CACNG3: variants seen among roughly 807,000 people sequenced by gnomAD.
CACNG3 encodes the protein voltage-dependent calcium channel gamma-3 subunit.
A neutral mutation model predicts 28.5 loss-of-function variants in CACNG3; 3 were observed. That is an observed-to-expected ratio of 0.11 (90% confidence interval 0.05 to 0.27). The LOEUF is 0.27. Ranked by LOEUF, CACNG3 falls within the 10% of genes least tolerant of loss-of-function variation. The pLI, the probability that CACNG3 is intolerant of heterozygous loss-of-function variation, is 1.00. For missense variants in CACNG3, 236 were observed against 414.4 expected (o/e 0.57, Z 3.74); for synonymous variants, 174 against 162.2 (o/e 1.07, Z -0.55).
Position 24,361,319 on chromosome 16 carries a change from A to G in CACNG3, c.437-33A>G. The G allele has an allele frequency of 6.6e-7, 1 of 1,508,942 alleles. No homozygotes were observed. 93.5% of individuals were successfully genotyped at this position (1,508,942 alleles called of 1,614,324 possible). A position where few individuals can be genotyped will look rare whatever the true frequency, so the allele number is the denominator to read the frequency against. On this transcript the variant is annotated intron_variant, in intron 3 of 3. Coordinates refer to ENST00000005284, the MANE Select transcript of CACNG3 (RefSeq NM_006539.4). This position sits in a 1 kb window ranked among gnomAD's most constrained non-coding sequence, Gnocchi z 6.8. ...AGTGACAGTTCTCTCCGAGGTGTAT[A>G]AAGGACGTGTTTTTCTTTTCCCCTT...
At chr16:24,344,221 CA>C (rs1412937172) in intron 1 of CACNG3, among the ~76,000 whole-genome samples, 4 of 151,954 alleles carry the variant, frequency 2.6e-5, no homozygotes, top group Admixed American at 1.3e-4. Flanking sequence ...CACCTGAGGT[CA>C]GGGGTTCAAG....
chr16:24,349,750 G>A (rs1022698103), intron 2 of CACNG3, among the ~76,000 whole-genome samples: 13 of 152,168 alleles, frequency 8.5e-5, no homozygotes, highest in African/African-American at 2.9e-4. Context: ...TTACAGCAGA[G>A]TCTTTGTGAC....
At chr16:24,351,275 A>G (rs1899934836) in intron 2 of CACNG3, among the ~76,000 whole-genome samples, 1 of 152,020 alleles carries the variant, frequency 6.6e-6, no homozygotes, top group African/African-American at 2.4e-5. Context: ...CTGTTAGAAA[A>G]TTGGGCCAGT....
At chr16:24,327,422 ATGTG>A (rs376287990) in intron 1 of CACNG3, among the ~76,000 whole-genome samples, 1 of 101,718 alleles carries the variant, frequency 9.8e-6, no homozygotes, top group Non-Finnish European at 1.8e-5. Flanking sequence ...GAATATATAT[ATGTG>A]TGTGTGTGTG....
chr16:24,359,253 G>C (rs189041546), intron 3 of CACNG3, among the ~76,000 whole-genome samples: 90 of 152,186 alleles, frequency 5.9e-4, no homozygotes, highest in African/African-American at 2.0e-3. Flanking sequence ...AAAAATTCAT[G>C]TGAAGTCTGC....
At position 24,361,946 on chromosome 16, in the gene CACNG3, C is replaced by G. The variant is rs1483778283; in HGVS notation, c.*83C>G. ...TGTCTCTGAGGTTGCATGGCATGGTCCTTGTGATGGTATTACTTTTTACAA... is the reference window on the plus strand; with the variant it reads ...TGTCTCTGAGGTTGCATGGCATGGTGCTTGTGATGGTATTACTTTTTACAA... On this transcript the variant is annotated 3_prime_UTR_variant, in exon 4 of 4. Coordinates refer to ENST00000005284, the MANE Select transcript of CACNG3 (RefSeq NM_006539.4). The surrounding 1 kb of genome is among the most constrained non-coding windows in gnomAD (Gnocchi z 6.8). 7.5e-7 allele frequency: 1 copy of G among 1,327,170 alleles called. No homozygotes were observed. The highest frequency in any genetic ancestry group is 2.3e-5 in the East Asian group (1 of 43,096). 82.2% of individuals were successfully genotyped at this position (1,327,170 alleles called of 1,614,324 possible).
At chr16:24,345,754 G>A (rs978624526) in intron 1 of CACNG3, among the ~76,000 whole-genome samples, 2 of 152,178 alleles carry the variant, frequency 1.3e-5, no homozygotes, top group Non-Finnish European at 2.9e-5. Flanking sequence ...TGCATGTTCA[G>A]CAAATCTGAG....
Position 24,281,867 on chromosome 16 carries a change from AT to A in CACNG3, c.211+24904del, listed in dbSNP as rs577650809. ...TTGAGGAAAACAAAACTATAGCAAG[AT>A]TAACTAACTTGCCCAGGACCGACAG... On this transcript the variant is annotated intron_variant, in intron 1 of 3. Transcript: ENST00000005284. Among the ~76,000 whole-genome samples, 102 of 152,350 alleles carry A rather than the reference AT, an allele frequency of 6.7e-4. 1 individual carries two copies. Among genetic ancestry groups the A allele is most frequent in the African/African-American group, 2.3e-3 (97 of 41,580 alleles).
rs141649476 is a variant in CACNG3, at chr16:24,334,167, A to G, written c.212-12567A>G. 5.3e-4 allele frequency among the ~76,000 whole-genome samples: 81 copies of G among 152,358 alleles called. 1 individual carries two copies. The East Asian group carries it at 0.015, about 29-fold the overall frequency. ...AAAATCTTCACAAAAGAGTTCTAGCAAAAGACCTACAACGCTGGACCCTAG... is the reference window on the plus strand; with the variant it reads ...AAAATCTTCACAAAAGAGTTCTAGCGAAAGACCTACAACGCTGGACCCTAG... On this transcript the variant is annotated intron_variant, in intron 1 of 3. Transcript: ENST00000005284.
At chr16:24,351,661 C>CGAAAGAAAGAAAGAAAGAAA (rs146309041) in intron 2 of CACNG3, among the ~76,000 whole-genome samples, 10 of 111,088 alleles carry the variant, frequency 9.0e-5, no homozygotes, top group Non-Finnish European at 1.7e-4. Flanking sequence ...GAAAGACAGA[C>CGAAAGAAAGAAAGAAAGAAA]GAAAGAAAGA....
intron 1 of CACNG3, among the ~76,000 whole-genome samples, chr16:24,297,007 G>A (rs760144642): frequency 1.3e-5 from 2 of 152,252 alleles, no homozygotes; most frequent in East Asian, 1.9e-4. Flanking sequence ...GCCTGCACCT[G>A]TAATCCCAGA....
At chr16:24,297,410 C>T (rs1378184022) in intron 1 of CACNG3, among the ~76,000 whole-genome samples, 1 of 152,122 alleles carries the variant, frequency 6.6e-6, no homozygotes, top group Non-Finnish European at 1.5e-5. Flanking sequence ...GGGGTGAGAA[C>T]TGGTGTGCTG....
At chr16:24,351,305 T>C (rs1899935231) in intron 2 of CACNG3, among the ~76,000 whole-genome samples, 1 of 152,030 alleles carries the variant, frequency 6.6e-6, no homozygotes, top group South Asian at 2.1e-4. Flanking sequence ...GCATGGTGGC[T>C]CATGCCTGTA....
intron 1 of CACNG3, among the ~76,000 whole-genome samples, chr16:24,287,630 C>T (rs992060656): frequency 6.6e-6 from 1 of 152,052 alleles, no homozygotes; most frequent in South Asian, 2.1e-4. Context: ...CTGAGACTCT[C>T]CAAGACTCAT....
intron 1 of CACNG3, among the ~76,000 whole-genome samples, chr16:24,299,057 C>T (rs1268737689): frequency 6.6e-6 from 1 of 152,112 alleles, no homozygotes; most frequent in Non-Finnish European, 1.5e-5. Context: ...TTTTTTCCCC[C>T]TTTCCCTATT....
chr16:24,266,568 A>G (rs1278420775), intron 1 of CACNG3, among the ~76,000 whole-genome samples: 1 of 152,244 alleles, frequency 6.6e-6, no homozygotes, highest in African/African-American at 2.4e-5. Context: ...CCTAAGTAGC[A>G]CTAACATTGA....
chr16:24,279,237 T>C (rs146064905), intron 1 of CACNG3, among the ~76,000 whole-genome samples: 2 of 152,316 alleles, frequency 1.3e-5, no homozygotes, highest in East Asian at 3.9e-4. Context: ...TTTTCATTTT[T>C]GAGGCTCATT....
At chr16:24,261,292 G>T (rs1222319987) in intron 1 of CACNG3, among the ~76,000 whole-genome samples, 2 of 152,190 alleles carry the variant, frequency 1.3e-5, no homozygotes, top group African/African-American at 4.8e-5. Context: ...TCAGTGTGGG[G>T]CAATAGGGAG....
intron 1 of CACNG3, among the ~76,000 whole-genome samples, chr16:24,326,355 G>A (rs1226398326): frequency 5.3e-5 from 8 of 152,004 alleles, no homozygotes; most frequent in African/African-American, 1.9e-4. Context: ...ATTTTTAGTA[G>A]AGACAGGGTT....
Sources: allele counts gnomAD v4.1 joint callset (sites outside exome capture counted in the v4.1 genomes callset), GRCh38; gene constraint gnomAD v4.1.1; non-coding constraint Gnocchi (gnomAD v3.1); transcripts MANE v1.5; gene names NCBI Gene and HGNC (gene_info 2026-07-23, HGNC 2026-07-21).